The following TYW1B variants were observed in gnomAD, a reference collection of about 807,000 sequenced individuals.
The protein encoded by TYW1B is S-adenosyl-L-methionine-dependent tRNA 4-demethylwyosine synthase TYW1B.
A neutral mutation model predicts 86.9 loss-of-function variants in TYW1B; 73 were observed. The ratio of observed to expected loss-of-function variants is 0.84; its 90% CI spans 0.70 to 1.02. The LOEUF is 1.02. Ranked by LOEUF, TYW1B falls within the 50% of genes least tolerant of loss-of-function variation. TYW1B has a pLI of 0.00. For synonymous variants in TYW1B, 248 were observed against 292.8 expected (o/e 0.85, Z 1.56); for missense variants, 637 against 827.4 (o/e 0.77, Z 2.82).
intron 6 of TYW1B, among the ~76,000 whole-genome samples, chr7:72,780,216 C>T (rs1284103206): frequency 6.6e-6 from 1 of 152,060 alleles, no homozygotes; most frequent in Non-Finnish European, 1.5e-5. Flanking sequence ...GCGATCCTCC[C>T]GCCTCAGCTA....
At chr7:72,653,478 G>A (rs1289039269) in intron 11 of TYW1B, among the ~76,000 whole-genome samples, 7 of 151,672 alleles carry the variant, frequency 4.6e-5, no homozygotes, top group African/African-American at 9.7e-5. Context: ...GTGGTGGCGA[G>A]CACCTGTAGT....
At chr7:72,758,813 T>C (rs1043830115) in intron 7 of TYW1B, among the ~76,000 whole-genome samples, 1 of 152,214 alleles carries the variant, frequency 6.6e-6, no homozygotes, top group Non-Finnish European at 1.5e-5. Context: ...TTAAGTACTC[T>C]TGGTTTCTAC....
intron 6 of TYW1B, among the ~76,000 whole-genome samples, chr7:72,801,207 T>C (rs1788398601): frequency 1.3e-5 from 2 of 152,098 alleles, no homozygotes; most frequent in Non-Finnish European, 2.9e-5. Flanking sequence ...TGTGCACCTG[T>C]AGTCCCGGCT....
chr7:72,804,087 C>G (rs1244866050), intron 5 of TYW1B, among the ~76,000 whole-genome samples: 14 of 150,514 alleles, frequency 9.3e-5, no homozygotes, highest in Non-Finnish European at 1.8e-4. Flanking sequence ...GAGTTTGAGA[C>G]CAGCCTGATC....
At chr7:72,823,417 C>T (rs1788868876) in intron 2 of TYW1B, among the ~76,000 whole-genome samples, 1 of 152,040 alleles carries the variant, frequency 6.6e-6, no homozygotes, top group South Asian at 2.1e-4. Flanking sequence ...GTCAGGAGTT[C>T]GAGACCAGTC....
At position 72,671,847 on chromosome 7, in the gene TYW1B, C is replaced by CT. The variant is rs34112293; in HGVS notation, c.1506+22839dup. The stretch of plus-strand genomic sequence containing the variant: ...TCTTTTAAAATTGTATTTAAAAAGT[C>CT]TTTTTTTTTTTTTTCAGAACTATTC... On this transcript the variant is annotated intron_variant, in intron 11 of 13. Coordinates refer to ENST00000620995, the MANE Select transcript of TYW1B (RefSeq NM_001145440.3). Among the ~76,000 whole-genome samples, 636 of 145,344 alleles carry CT rather than the reference C, an allele frequency of 4.4e-3. 4 individuals are homozygous for CT. Among genetic ancestry groups the CT allele is most frequent in the African/African-American group, 0.015 (576 of 39,710 alleles).
At chr7:72,808,951 G>C (rs1168517655) in intron 4 of TYW1B, among the ~76,000 whole-genome samples, 1 of 151,878 alleles carries the variant, frequency 6.6e-6, no homozygotes, top group Admixed American at 6.6e-5. Flanking sequence ...AAACTGAGAG[G>C]CTCCATCGTT....
intron 4 of TYW1B, among the ~76,000 whole-genome samples, chr7:72,808,140 A>C (rs1412741052): frequency 1.3e-5 from 2 of 152,046 alleles, no homozygotes. Context: ...TTTCCCATTC[A>C]TAGTCTAATT....
In TYW1B at chr7:72,632,396, A is replaced by AT. The variant is rs1554440025; in HGVS notation, c.1507-3400dup. Among the ~76,000 whole-genome samples the AT allele has an allele frequency of 2.5e-4, 27 of 108,218 alleles. 1 individual carries two copies. Among genetic ancestry groups the AT allele is most frequent in the African/African-American group, 1.2e-3 (25 of 21,586 alleles). 71.0% of individuals were successfully genotyped at this position (108,218 alleles called of 152,430 possible). A position where few individuals can be genotyped will look rare whatever the true frequency, so the allele number is the denominator to read the frequency against. ...ATATATTATATATATACGTATATATATATAATATATATATACATATATATA... is the reference window on the plus strand; with the variant it reads ...ATATATTATATATATACGTATATATATTATAATATATATATACATATATATA... On this transcript the variant is annotated intron_variant, in intron 11 of 13. Coordinates refer to ENST00000620995, the MANE Select transcript of TYW1B (RefSeq NM_001145440.3).
intron 11 of TYW1B, among the ~76,000 whole-genome samples, chr7:72,677,815 C>T (rs1813769276): frequency 6.6e-6 from 1 of 152,066 alleles, no homozygotes; most frequent in Non-Finnish European, 1.5e-5. Context: ...GATTCTCCTG[C>T]CTCAGCCTCC....
At chr7:72,703,194 T>C (rs1158343183) in intron 10 of TYW1B, among the ~76,000 whole-genome samples, 5 of 151,410 alleles carry the variant, frequency 3.3e-5, no homozygotes, top group African/African-American at 1.2e-4. Flanking sequence ...ATGGCTAATT[T>C]TTTGTATTTT....
At chr7:72,799,951 G>C (rs1173547326) in intron 6 of TYW1B, among the ~76,000 whole-genome samples, 1 of 152,004 alleles carries the variant, frequency 6.6e-6, no homozygotes, top group Non-Finnish European at 1.5e-5. Context: ...ATACAGAAAA[G>C]CTTTCTCCAG....
At chr7:72,596,455 T>G (rs1287040069) in intron 13 of TYW1B, among the ~76,000 whole-genome samples, 2 of 151,966 alleles carry the variant, frequency 1.3e-5, no homozygotes, top group African/African-American at 2.4e-5. Flanking sequence ...TGTAGAACAA[T>G]GGAATAGAGA....
At chr7:72,714,065 A>ATTC (rs781786075) in intron 9 of TYW1B, among the ~76,000 whole-genome samples, 3 of 151,810 alleles carry the variant, frequency 2.0e-5, no homozygotes, top group Non-Finnish European at 2.9e-5. Context: ...AATGCAGAAT[A>ATTC]AGTCCCTTTG....
At chr7:72,647,753 T>C (rs1379467204) in intron 11 of TYW1B, among the ~76,000 whole-genome samples, 1 of 152,068 alleles carries the variant, frequency 6.6e-6, no homozygotes, top group Non-Finnish European at 1.5e-5. Flanking sequence ...GGTGCCATCA[T>C]AGCTCACTGC....
chr7:72,593,376 G>C (rs1379788650), intron 13 of TYW1B, among the ~76,000 whole-genome samples: 2 of 151,932 alleles, frequency 1.3e-5, no homozygotes, highest in Non-Finnish European at 2.9e-5. Context: ...ACAGAACACT[G>C]TACCTAACAA....
At chr7:72,701,005 A>G (rs1814454753) in intron 10 of TYW1B, among the ~76,000 whole-genome samples, 1 of 151,972 alleles carries the variant, frequency 6.6e-6, no homozygotes, top group Non-Finnish European at 1.5e-5. Context: ...CGGAGGTTGC[A>G]GTGAGCTGAG....
intron 10 of TYW1B, among the ~76,000 whole-genome samples, chr7:72,712,722 C>G (rs35438095): frequency 1.3e-5 from 2 of 152,196 alleles, no homozygotes; most frequent in Non-Finnish European, 2.9e-5. Flanking sequence ...CCTATCTAGG[C>G]TCCTGCTGCT....
chr7:72,585,860 A>G (rs1811262790), intron 13 of TYW1B, among the ~76,000 whole-genome samples: 1 of 152,166 alleles, frequency 6.6e-6, no homozygotes, highest in Admixed American at 6.5e-5. Flanking sequence ...CTAACACACT[A>G]CTATAGGCAA....
Sources: allele counts gnomAD v4.1 joint callset (sites outside exome capture counted in the v4.1 genomes callset), GRCh38; gene constraint gnomAD v4.1.1; transcripts MANE v1.5; gene names NCBI Gene and HGNC (gene_info 2026-07-23, HGNC 2026-07-21).